Variants in TMEM131 observed in about 807,000 individuals in gnomAD.
The protein encoded by TMEM131 is 2610524E03Rik.
In TMEM131, 66 loss-of-function variants were observed where a neutral mutation model predicts 211.6. The ratio of observed to expected loss-of-function variants is 0.31; its 90% CI spans 0.26 to 0.38. The LOEUF is 0.38. TMEM131 is among the 10% of genes least tolerant of loss of function. The probability of loss-of-function intolerance (pLI) is 1.00; values close to 1 mark genes in which losing one functional copy is unlikely to be tolerated. For synonymous variants in TMEM131, 844 were observed against 841.3 expected (o/e 1.00, Z -0.06); for missense variants, 2,036 against 2,299.3 (o/e 0.89, Z 2.34).
chr2:97,970,619 C>T (rs1218167176), intron 1 of TMEM131, among the ~76,000 whole-genome samples: 2 of 152,194 alleles, frequency 1.3e-5, no homozygotes, highest in Admixed American at 6.5e-5. Context: ...ATTCACCACT[C>T]ACTCCAGGCA....
intron 2 of TMEM131, among the ~76,000 whole-genome samples, chr2:97,923,867 T>C (rs1295665402): frequency 6.6e-6 from 1 of 151,596 alleles, no homozygotes; most frequent in Non-Finnish European, 1.5e-5. Context: ...GATCACGAGG[T>C]CAGGAGATTG....
Position 97,823,555 on chromosome 2 carries a change from A to G in TMEM131, c.1075-4834T>C, listed in dbSNP as rs183599409. Among the ~76,000 whole-genome samples, 7 of 152,294 alleles carry G rather than the reference A, an allele frequency of 4.6e-5. No individual in the cohort carries two copies. The East Asian group carries it at 1.3e-3, about 29-fold the overall frequency. The stretch of plus-strand genomic sequence containing the variant: ...GTGTCTTAGCCAAGTAAATGATAGA[A>G]TGACAGCTGAAGAAAGGGACAAATT... On this transcript the variant is annotated intron_variant, in intron 11 of 40. Coordinates refer to ENST00000186436, the MANE Select transcript of TMEM131 (RefSeq NM_015348.2).
At chr2:97,764,093 T>A (rs892197385) in intron 35 of TMEM131, 1 of 152,202 alleles carries the variant, frequency 6.6e-6, no homozygotes, top group African/African-American at 2.4e-5. Flanking sequence ...GTGGTACAGA[T>A]GGTATAGGGC....
At chr2:97,839,916 C>T (rs776082064) in intron 7 of TMEM131, among the ~76,000 whole-genome samples, 2 of 152,188 alleles carry the variant, frequency 1.3e-5, no homozygotes, top group Admixed American at 6.5e-5. Context: ...TTCAAAGGGA[C>T]GTTTTTGCTT....
chr2:97,787,545 G>C (rs542330176), intron 31 of TMEM131, among the ~76,000 whole-genome samples: 30 of 152,180 alleles, frequency 2.0e-4, no homozygotes, highest in African/African-American at 6.5e-4. Context: ...ACCTCCCATT[G>C]TCTGGGCCCC....
chr2:97,833,479 GT>G, intron 10 of TMEM131, 53 bp from the exon 11 acceptor site: 1 of 812,522 alleles, frequency 1.2e-6, no homozygotes, highest in Non-Finnish European at 2.0e-6. Flanking sequence ...TTTTAGCCAA[GT>G]TAGAATCTTT....
chr2:97,973,386 C>A (rs951203677), intron 1 of TMEM131, among the ~76,000 whole-genome samples: 1 of 152,132 alleles, frequency 6.6e-6, no homozygotes, highest in Non-Finnish European at 1.5e-5. Context: ...CAAGGTAAGC[C>A]CTATGATTGG....
At chr2:97,897,040 CA>C (rs1370600336) in intron 3 of TMEM131, among the ~76,000 whole-genome samples, 1 of 152,040 alleles carries the variant, frequency 6.6e-6, no homozygotes, top group African/African-American at 2.4e-5. Flanking sequence ...CAGGTCTCAA[CA>C]TTTTTTTTGT....
At chr2:97,795,335 A>C (rs1680709270) in intron 28 of TMEM131, among the ~76,000 whole-genome samples, 1 of 152,230 alleles carries the variant, frequency 6.6e-6, no homozygotes, top group Non-Finnish European at 1.5e-5. Context: ...CTAAAAAATA[A>C]CAATAATCAA....
At chr2:97,825,279 A>AT (rs1682324167) in intron 11 of TMEM131, among the ~76,000 whole-genome samples, 1 of 152,126 alleles carries the variant, frequency 6.6e-6, no homozygotes, top group Non-Finnish European at 1.5e-5. Flanking sequence ...GCTACTCTAG[A>AT]TCTCTTGAAC....
intron 4 of TMEM131, among the ~76,000 whole-genome samples, chr2:97,875,555 T>C (rs1329762441): frequency 6.6e-6 from 1 of 152,200 alleles, no homozygotes; most frequent in Non-Finnish European, 1.5e-5. Context: ...GAACTCAGGA[T>C]TAAGAAACTC....
At chr2:97,903,136 G>A (rs1675927502) in intron 3 of TMEM131, among the ~76,000 whole-genome samples, 1 of 152,114 alleles carries the variant, frequency 6.6e-6, no homozygotes, top group African/African-American at 2.4e-5. Context: ...AAATGAAGCA[G>A]GAGTCTTTCA....
Position 97,963,380 on chromosome 2 carries a change from T to G in TMEM131, c.187+32096A>C, listed in dbSNP as rs560127833. Among the ~76,000 whole-genome samples the G allele has an allele frequency of 5.0e-4, 76 of 152,350 alleles. 3 individuals are homozygous for G. The South Asian group carries it at 0.016, about 31-fold the overall frequency. ...CTTTACTAATTTTTGATAGCTTTTT[T>G]GTTTCCTTAAGGTCTCAGGAACCAG... is the stretch of plus-strand genomic sequence containing the variant. On this transcript the variant is annotated intron_variant, in intron 1 of 40. Transcript: ENST00000186436.
intron 5 of TMEM131, among the ~76,000 whole-genome samples, chr2:97,847,248 G>A (rs1462171661): frequency 6.6e-6 from 1 of 152,028 alleles, no homozygotes; most frequent in Admixed American, 6.5e-5. Flanking sequence ...TAGTACAGAA[G>A]AAAAATCTGT....
In TMEM131 at chr2:97,927,472, T is replaced by C. The variant is rs752080038; in HGVS notation, c.203A>G (p.Glu68Gly). 2 of 1,581,868 alleles carry C rather than the reference T, an allele frequency of 1.3e-6. No individual in the cohort carries two copies. The highest frequency in any genetic ancestry group is 1.7e-4 in the Middle Eastern group (1 of 5,968). The change falls in exon 2 of 41, where the codon GAG becomes GGG. Residue 68 changes from glutamate to glycine, a missense_variant. Around this residue, in one of 3 missense-constraint regions of TMEM131, gnomAD observed 136 missense variants for 115.4 expected, o/e 1.18. Coordinates refer to ENST00000186436, the MANE Select transcript of TMEM131 (RefSeq NM_015348.2). ...AAAACGCAGTACTTCTATTATGCTC[T>C]CTGACTGAACGAATGCTGTGAAGAA... Reference protein sequence around the residue: ...RAEKEAFVQSESIIEVLRFDD... With the variant: ...RAEKEAFVQSGSIIEVLRFDD...
intron 2 of TMEM131, among the ~76,000 whole-genome samples, chr2:97,916,741 C>T (rs1356698831): frequency 6.6e-6 from 1 of 152,146 alleles, no homozygotes; most frequent in Non-Finnish European, 1.5e-5. Context: ...ACTTAGGCCT[C>T]AGAGTCAAAT....
At position 97,756,555 on chromosome 2, in the gene TMEM131, G is replaced by GACTT. The variant is rs1159547500; in HGVS notation, c.*540_*543dup. The GACTT allele has an allele frequency of 2.0e-5, 3 of 152,204 alleles. No individual in the cohort carries two copies. Among genetic ancestry groups the GACTT allele is most frequent in the African/African-American group, 7.2e-5 (3 of 41,432 alleles). The allele number at this position is 152,204 out of a possible 1,614,324, so 9.4% of individuals were successfully genotyped here. ...TACATTCATTCACCGTTCTTAAGTTGACTTACATTTCTGTAATCTGCTTTT... is the reference window on the plus strand; with the variant it reads ...TACATTCATTCACCGTTCTTAAGTTGACTTACTTACATTTCTGTAATCTGCTTTT... On this transcript the variant is annotated 3_prime_UTR_variant, in exon 41 of 41. Coordinates refer to ENST00000186436, the MANE Select transcript of TMEM131 (RefSeq NM_015348.2).
intron 36 of TMEM131, 56 bp downstream of exon 36, chr2:97,761,978 AC>A: frequency 6.7e-7 from 1 of 1,488,802 alleles, no homozygotes; most frequent in Non-Finnish European, 8.9e-7. Context: ...AAAGGGTGTG[AC>A]ATCGGGTTTT....
chr2:97,759,841 A>C, intron 38 of TMEM131, 92 bp from the exon 39 acceptor site: 1 of 825,058 alleles, frequency 1.2e-6, no homozygotes, highest in Non-Finnish European at 2.0e-6. Context: ...AACAGGAGAC[A>C]CTGCTTCAAC....
Sources: gnomAD v4.1 joint callset for allele counts (sites outside exome capture counted in the v4.1 genomes callset) on GRCh38, gnomAD v4.1.1 for gene constraint, gnomAD v4.1.1 regional missense constraint, MANE v1.5 for transcripts, NCBI Gene and HGNC (gene_info 2026-07-23, HGNC 2026-07-21) for gene names.